Variants in FOXP2 observed in about 807,000 individuals in gnomAD.
The protein encoded by FOXP2 is forkhead box P2, also known as forkhead box protein P2.
FOXP2 carries 12 observed loss-of-function variants against 115.8 expected under a neutral mutation model. The ratio of observed to expected loss-of-function variants is 0.10; its 90% CI spans 0.07 to 0.17. FOXP2 has a LOEUF of 0.17. Ranked by LOEUF, FOXP2 falls within the 10% of genes least tolerant of loss-of-function variation. The pLI is 1.00. For synonymous variants in FOXP2, 328 were observed against 297.7 expected (o/e 1.10, Z -1.05); for missense variants, 629 against 843.5 (o/e 0.75, Z 3.15).
intron 2 of FOXP2, among the ~76,000 whole-genome samples, chr7:114,380,347 G>A (rs1040151452): frequency 1.3e-5 from 2 of 152,150 alleles, no homozygotes; most frequent in African/African-American, 2.4e-5. Context: ...TCTAGTGCCC[G>A]AGTGAGGGCT....
chr7:114,642,317 G>A lies in FOXP2; in HGVS notation c.776-93G>A, dbSNP rs1001078730. On this transcript the variant is annotated intron_variant, in intron 6 of 16. Transcript: ENST00000350908. ...AATTTATGCAGGTAACATCACTGTT[G>A]TTGTTGGTATTAATCTATTAATAAC... is the stretch of plus-strand genomic sequence containing the variant. 4.2e-6 allele frequency: 4 copies of A among 946,748 alleles called. No individual in the cohort carries two copies. In the African/African-American group the frequency reaches 4.9e-5, roughly 12 times the overall value. The allele number at this position is 946,748 out of a possible 1,614,324, so 58.6% of individuals were successfully genotyped here.
In FOXP2 at chr7:114,642,616, C is replaced by A. The variant is rs121908378; in HGVS notation, c.982C>A (p.Arg328=). The change falls in exon 7 of 17, where the codon CGA becomes AGA. Residue 328 remains arginine (R), a synonymous_variant. Transcript: ENST00000350908. ...NGQSSVLSAR[R]DSSSHEETGA... is the part of the protein sequence containing the mutation. Reference sequence around the variant, plus strand: ...ACAGTCTTCAGTTCTAAGTGCAAGACGAGACAGGTAAATCTCATGAGCTTT... The same window carrying A: ...ACAGTCTTCAGTTCTAAGTGCAAGAAGAGACAGGTAAATCTCATGAGCTTT... The A allele has an allele frequency of 6.2e-7, 1 of 1,612,124 alleles. No individual in the cohort carries two copies. The highest frequency in any genetic ancestry group is 8.5e-7 in the Non-Finnish European group (1 of 1,178,686).
At chr7:114,100,545 A>G (rs1734409387) in intron 1 of FOXP2, among the ~76,000 whole-genome samples, 1 of 152,118 alleles carries the variant, frequency 6.6e-6, no homozygotes, top group African/African-American at 2.4e-5. Flanking sequence ...TTGTTTTTTA[A>G]GTTCAGTTAT....
chr7:114,639,870 T>G (rs1426364002), intron 6 of FOXP2, among the ~76,000 whole-genome samples: 1 of 152,190 alleles, frequency 6.6e-6, no homozygotes, highest in African/African-American at 2.4e-5. Context: ...TGTTGTTGTT[T>G]TGTCATTTTG....
At chr7:114,475,012 C>T (rs2129232914) in intron 2 of FOXP2, among the ~76,000 whole-genome samples, 1 of 152,066 alleles carries the variant, frequency 6.6e-6, no homozygotes, top group African/African-American at 2.4e-5. Flanking sequence ...CTGCTTGGTA[C>T]TAGCCCAACA....
intron 2 of FOXP2, among the ~76,000 whole-genome samples, chr7:114,380,803 C>T (rs566584077): frequency 6.6e-6 from 1 of 152,356 alleles, no homozygotes; most frequent in African/African-American, 2.4e-5. Flanking sequence ...AAGACTGCTA[C>T]TGCCACCAGT....
chr7:114,444,599 A>G (rs1187382102), intron 2 of FOXP2, among the ~76,000 whole-genome samples: 1 of 152,136 alleles, frequency 6.6e-6, no homozygotes, highest in Non-Finnish European at 1.5e-5. Context: ...TTTTTATGCC[A>G]TTGTGCAAGT....
At chr7:114,296,490 G>T (rs1307687024) in intron 2 of FOXP2, among the ~76,000 whole-genome samples, 2 of 149,330 alleles carry the variant, frequency 1.3e-5, no homozygotes, top group Non-Finnish European at 2.9e-5. Context: ...GTATCCTGTG[G>T]AGTTTTTTTT....
At chr7:114,428,607 A>G (rs1464320276) in intron 2 of FOXP2, among the ~76,000 whole-genome samples, 6 of 151,468 alleles carry the variant, frequency 4.0e-5, no homozygotes, top group Non-Finnish European at 8.9e-5. Context: ...TAATAAATAA[A>G]CATGCAAAAA....
At chr7:114,376,637 T>C (rs984080403) in intron 2 of FOXP2, among the ~76,000 whole-genome samples, 1 of 152,176 alleles carries the variant, frequency 6.6e-6, no homozygotes, top group Non-Finnish European at 1.5e-5. Context: ...ATAAGTTATG[T>C]GCCTATGGTC....
At chr7:114,458,131 C>T (rs1161395691) in intron 2 of FOXP2, among the ~76,000 whole-genome samples, 3 of 152,048 alleles carry the variant, frequency 2.0e-5, no homozygotes, top group Non-Finnish European at 4.4e-5. Context: ...GGCAAAACAA[C>T]TTAAACTAAA....
At chr7:114,630,114 T>C in intron 5 of FOXP2, 109 bp downstream of exon 5, 1 of 1,584,770 alleles carries the variant, frequency 6.3e-7, no homozygotes, top group South Asian at 1.1e-5. Flanking sequence ...GCTGTCAAAG[T>C]TGCAGTATTA....
At chr7:114,097,632 A>G (rs995605394) in intron 1 of FOXP2, among the ~76,000 whole-genome samples, 1 of 152,168 alleles carries the variant, frequency 6.6e-6, no homozygotes, top group East Asian at 1.9e-4. Context: ...CTAAGAATTT[A>G]ATCTTGAGGT....
chr7:114,126,322 A>G (rs1791707466), intron 1 of FOXP2, among the ~76,000 whole-genome samples: 1 of 152,076 alleles, frequency 6.6e-6, no homozygotes, highest in Admixed American at 6.6e-5. Context: ...GAACTTATGT[A>G]TGCATATGTA....
chr7:114,304,768 T>C (rs1232536969), intron 2 of FOXP2, among the ~76,000 whole-genome samples: 2 of 151,706 alleles, frequency 1.3e-5, no homozygotes, highest in Non-Finnish European at 2.9e-5. Flanking sequence ...GTTCTCTTAA[T>C]GATACTTTGT....
chr7:114,227,989 G>A (rs1794783940), intron 1 of FOXP2, among the ~76,000 whole-genome samples: 1 of 151,992 alleles, frequency 6.6e-6, no homozygotes, highest in African/African-American at 2.4e-5. Flanking sequence ...AAACACTTTA[G>A]ATAATACCAC....
chr7:114,365,493 C>T (rs1283648437), intron 2 of FOXP2, among the ~76,000 whole-genome samples: 3 of 152,020 alleles, frequency 2.0e-5, no homozygotes, highest in African/African-American at 7.2e-5. Flanking sequence ...GTAAGGAAAT[C>T]TGAGAGCCAT....
At chr7:114,350,659 G>C (rs1411658951) in intron 2 of FOXP2, among the ~76,000 whole-genome samples, 1 of 152,024 alleles carries the variant, frequency 6.6e-6, no homozygotes, top group African/African-American at 2.4e-5. Context: ...CAACTAAGAA[G>C]GCAAAGGTTT....
intron 2 of FOXP2, among the ~76,000 whole-genome samples, chr7:114,431,057 A>G (rs1009169439): frequency 1.3e-5 from 2 of 151,922 alleles, no homozygotes; most frequent in Non-Finnish European, 2.9e-5. Flanking sequence ...GTGTATCTAC[A>G]GTGCATTCTT....
Sources: allele counts gnomAD v4.1 joint callset (sites outside exome capture counted in the v4.1 genomes callset), GRCh38; gene constraint gnomAD v4.1.1; transcripts MANE v1.5; gene names NCBI Gene and HGNC (gene_info 2026-07-23, HGNC 2026-07-21).